The following NEDD4L variants were observed in gnomAD, a reference collection of about 807,000 sequenced individuals.
NEDD4L encodes the protein NEDD4 like E3 ubiquitin protein ligase.
In NEDD4L, 54 loss-of-function variants were observed where a neutral mutation model predicts 148.9. That is an observed-to-expected ratio of 0.36 (90% CI 0.29 to 0.45). NEDD4L has a LOEUF of 0.45. Among genes scored for constraint, NEDD4L ranks in the 20% least tolerant of loss-of-function variants. The probability of loss-of-function intolerance (pLI) is 1.00; values close to 1 mark genes in which losing one functional copy is unlikely to be tolerated. For missense variants in NEDD4L, 856 were observed against 1,233.8 expected (o/e 0.69, Z 4.59); for synonymous variants, 433 against 440.7 (o/e 0.98, Z 0.22).
chr18:58,227,353 C>G (rs2044486511), intron 2 of NEDD4L, among the ~76,000 whole-genome samples: 1 of 152,112 alleles, frequency 6.6e-6, no homozygotes, highest in Non-Finnish European at 1.5e-5. Flanking sequence ...GAGGGAGTCT[C>G]CAGGCAGTCT....
Position 58,246,892 on chromosome 18 carries a change from T to G in NEDD4L, c.204+1384T>G, listed in dbSNP as rs1397158551. Among the ~76,000 whole-genome samples, 5 of 152,172 alleles carry G rather than the reference T, an allele frequency of 3.3e-5. No homozygotes were observed. In the East Asian group the frequency reaches 9.6e-4, roughly 29 times the overall value. On this transcript the variant is annotated intron_variant, in intron 3 of 30. Transcript: ENST00000400345. ...ATGCATGTTCTCTATTAAAAATACT[T>G]GGCTGCATGTGGTGGCTCATGGCTG...
At chr18:58,367,905 T>A (rs570460146) in intron 22 of NEDD4L, 38 bp downstream of exon 22, 4 of 1,611,046 alleles carry the variant, frequency 2.5e-6, no homozygotes, top group Non-Finnish European at 3.4e-6. Context: ...CAGTGCTGCT[T>A]GCGGTTTGCT....
At chr18:58,128,573 T>C (rs1227824521) in intron 1 of NEDD4L, among the ~76,000 whole-genome samples, 1 of 152,218 alleles carries the variant, frequency 6.6e-6, no homozygotes, top group Non-Finnish European at 1.5e-5. Flanking sequence ...CCCTCTTCCA[T>C]TGGATACCCT....
chr18:58,365,615 G>T (rs1437182080), intron 20 of NEDD4L, among the ~76,000 whole-genome samples: 1 of 152,206 alleles, frequency 6.6e-6, no homozygotes, highest in African/African-American at 2.4e-5. Context: ...ACCTGGCCAG[G>T]TGGGGATTAT....
intron 2 of NEDD4L, among the ~76,000 whole-genome samples, chr18:58,233,582 G>A (rs373516040): frequency 5.9e-5 from 9 of 152,324 alleles, no homozygotes; most frequent in East Asian, 3.9e-4. Flanking sequence ...TTAAGATGAC[G>A]TTGGGTGGGA....
intron 3 of NEDD4L, among the ~76,000 whole-genome samples, chr18:58,245,724 A>T (rs1600182249): frequency 7.9e-6 from 1 of 126,824 alleles, no homozygotes; most frequent in Non-Finnish European, 1.6e-5. Flanking sequence ...TCTGTCGCCC[A>T]GGCTGGAGTG....
At chr18:58,054,758 T>C (rs75681926) in intron 1 of NEDD4L, 14,496 of 152,290 alleles carry the variant, frequency 0.095, 1,010 homozygotes, top group African/African-American at 0.2. Context: ...CCTCCTCACT[T>C]GTTAACACCA....
intron 11 of NEDD4L, 44 bp from the exon 12 acceptor site, chr18:58,333,774 A>G (rs1348659654): frequency 4.1e-6 from 6 of 1,454,922 alleles, no homozygotes; most frequent in Non-Finnish European, 5.8e-6. Flanking sequence ...GTTGCTTTTA[A>G]GAATATATTT....
intron 2 of NEDD4L, among the ~76,000 whole-genome samples, chr18:58,212,741 G>A (rs1272977511): frequency 6.6e-6 from 1 of 151,706 alleles, no homozygotes; most frequent in Non-Finnish European, 1.5e-5. Context: ...AAAGTGCTGG[G>A]ATTAACAGGC....
chr18:58,319,316 T>C (rs1190304848), intron 6 of NEDD4L, among the ~76,000 whole-genome samples: 2 of 152,146 alleles, frequency 1.3e-5, no homozygotes, highest in African/African-American at 4.8e-5. Flanking sequence ...GGTGTGGGCA[T>C]GGGGTGGATT....
intron 2 of NEDD4L, among the ~76,000 whole-genome samples, chr18:58,191,047 G>C (rs2040053209): frequency 6.6e-6 from 1 of 150,488 alleles, no homozygotes; most frequent in African/African-American, 2.5e-5. Context: ...GGAGGTCAAG[G>C]CTGCAGTGAG....
At chr18:58,384,095 C>G (rs2048697873) in intron 25 of NEDD4L, among the ~76,000 whole-genome samples, 1 of 152,170 alleles carries the variant, frequency 6.6e-6, no homozygotes, top group Non-Finnish European at 1.5e-5. Context: ...GCATTCAGTG[C>G]TTCGTTTCAA....
At position 58,303,868 on chromosome 18, in the gene NEDD4L, C is replaced by T. The variant is rs531485760; in HGVS notation, c.298-12114C>T. ...GGTTACAGAAACTTACATTACTTTT[C>T]TTTTGATGTTTCAAGGAGATAGGAG... On this transcript the variant is annotated intron_variant, in intron 5 of 30. Coordinates refer to ENST00000400345, the MANE Select transcript of NEDD4L (RefSeq NM_001144967.3). Among the ~76,000 whole-genome samples the T allele has an allele frequency of 3.3e-5, 5 of 152,216 alleles. No homozygotes were observed. The South Asian group carries it at 1.0e-3, about 32-fold the overall frequency.
chr18:58,101,409 T>G (rs2084746997), intron 1 of NEDD4L, among the ~76,000 whole-genome samples: 1 of 152,202 alleles, frequency 6.6e-6, no homozygotes, highest in Non-Finnish European at 1.5e-5. Flanking sequence ...ATCTGCGCCT[T>G]CTGAATACAG....
intron 1 of NEDD4L, among the ~76,000 whole-genome samples, chr18:58,084,705 G>GTGTGTT (rs1391676347): frequency 6.6e-6 from 1 of 151,510 alleles, no homozygotes; most frequent in Non-Finnish European, 1.5e-5. Context: ...GTGTGTGTGT[G>GTGTGTT]TGTGTTTGAG....
At chr18:58,147,462 A>G (rs746895536) in intron 1 of NEDD4L, among the ~76,000 whole-genome samples, 6 of 152,150 alleles carry the variant, frequency 3.9e-5, no homozygotes, top group Non-Finnish European at 8.8e-5. Context: ...AGTGTCCTGT[A>G]TTTTGTCTAG....
intron 2 of NEDD4L, among the ~76,000 whole-genome samples, chr18:58,228,904 T>G (rs2044712119): frequency 1.3e-5 from 2 of 152,234 alleles, no homozygotes. Context: ...TTTGAGCTTC[T>G]TTAGAGTCTT....
At chr18:58,357,153 C>A in intron 18 of NEDD4L, 41 bp from the exon 19 acceptor site, 1 of 1,509,566 alleles carries the variant, frequency 6.6e-7, no homozygotes, top group Middle Eastern at 1.7e-4. Context: ...TAGATTTGAA[C>A]TAATGTTCTG....
chr18:58,066,632 A>G (rs1264354583), intron 1 of NEDD4L, among the ~76,000 whole-genome samples: 1 of 151,722 alleles, frequency 6.6e-6, no homozygotes. Context: ...CCGTTTTTAC[A>G]CTCCTATAAC....
Sources: gnomAD v4.1 joint callset for allele counts (sites outside exome capture counted in the v4.1 genomes callset) on GRCh38, gnomAD v4.1.1 for gene constraint, MANE v1.5 for transcripts, NCBI Gene and HGNC (gene_info 2026-07-23, HGNC 2026-07-21) for gene names.